Variants in THSD7A observed in about 807,000 individuals in gnomAD.
The protein encoded by THSD7A is thrombospondin type 1 domain containing 7A, also known as thrombospondin type-1 domain-containing protein 7A.
THSD7A carries 96 observed loss-of-function variants against 231.3 expected under a neutral mutation model. That is an observed-to-expected ratio of 0.41 (90% CI 0.35 to 0.49). The LOEUF is 0.49. Ranked by LOEUF, THSD7A falls within the 20% of genes least tolerant of loss-of-function variation. THSD7A has a pLI of 0.05. For missense variants in THSD7A, 2,290 were observed against 2,070.2 expected, an observed-to-expected ratio of 1.11 and a Z score of -2.06; for synonymous variants, 940 against 743.3, an observed-to-expected ratio of 1.26 and a Z score of -4.30.
Position 11,636,525 on chromosome 7 carries a change from G to T in THSD7A, c.627C>A (p.Thr209=). 1 of 1,613,926 alleles carries T rather than the reference G, an allele frequency of 6.2e-7. No homozygotes were observed. The stretch of plus-strand genomic sequence containing the variant: ...TCCGGTGCTGGAGCCCGCTGCCGCA[G>T]GTCTTGGAGCATTCGGACCAGGCAG... The part of the protein sequence containing the change: ...EFSAWSECSK[T]CGSGLQHRTR... Residue 209 remains threonine (T), a synonymous_variant, in exon 2 of 28, where the codon ACC becomes ACA. Transcript: ENST00000423059. The surrounding 1 kb of genome is among the most constrained non-coding windows in gnomAD (Gnocchi z 10.0).
In THSD7A at chr7:11,636,863, T is replaced by C. The variant is rs1391592238; in HGVS notation, c.289A>G (p.Thr97Ala). ...GGTCTCTCGGCCTGCTTACAGTTAG[T>C]ATGCAGTGTAGTCCATCCCTCCACA... ...AHVEGWTTLH[T>A]NCKQAERPNN... The change falls in exon 2 of 28, where the codon ACT becomes GCT. Residue 97 changes from threonine to alanine, a missense_variant. Thr to Ala is a moderately conservative substitution (Grantham distance 58). Coordinates refer to ENST00000423059, the MANE Select transcript of THSD7A (RefSeq NM_015204.3). This position sits in a 1 kb window ranked among gnomAD's most constrained non-coding sequence, Gnocchi z 10.0. 3 of 1,613,794 alleles carry C rather than the reference T, an allele frequency of 1.9e-6. No homozygotes were observed. Among genetic ancestry groups the C allele is most frequent in the Non-Finnish European group, 2.5e-6 (3 of 1,179,892 alleles).
intron 2 of THSD7A, among the ~76,000 whole-genome samples, chr7:11,609,146 T>C (rs6963966): frequency 0.017 from 2,569 of 152,220 alleles, 76 homozygotes; most frequent in African/African-American, 0.059. Flanking sequence ...CTCAAGAACC[T>C]ACACTGTCTG....
At chr7:11,481,113 G>T (rs1335443581) in intron 7 of THSD7A, among the ~76,000 whole-genome samples, 2 of 152,060 alleles carry the variant, frequency 1.3e-5, no homozygotes, top group African/African-American at 2.4e-5. Flanking sequence ...TTAGCATTTG[G>T]ATATCATCTT....
chr7:11,501,427 A>G (rs113377512), intron 6 of THSD7A, among the ~76,000 whole-genome samples: 72 of 152,360 alleles, frequency 4.7e-4, no homozygotes, highest in Non-Finnish European at 7.8e-4. Context: ...CACACCAAAC[A>G]TACTCTTGGA....
chr7:11,401,520 T>C (rs1238964345), intron 23 of THSD7A, among the ~76,000 whole-genome samples: 1 of 152,028 alleles, frequency 6.6e-6, no homozygotes, highest in Non-Finnish European at 1.5e-5. Context: ...CGGGATCAAG[T>C]GATTCTCCTG....
At chr7:11,568,809 T>A (rs1044494442) in intron 4 of THSD7A, among the ~76,000 whole-genome samples, 1 of 151,784 alleles carries the variant, frequency 6.6e-6, no homozygotes, top group Admixed American at 6.6e-5. Context: ...ATGGCATGAT[T>A]GTATATATAG....
In THSD7A at chr7:11,831,739, T is replaced by C; in HGVS notation, c.190+18A>G. On this transcript the variant is annotated intron_variant, in intron 1 of 27. Transcript: ENST00000423059. This position sits in a 1 kb window ranked among gnomAD's most constrained non-coding sequence, Gnocchi z 5.0. ...CCCAGATGTGAAGATGGGGAAAGGGTAACTCCGTCCCACTTACCAGTCTTC... is the reference window on the plus strand; with the variant it reads ...CCCAGATGTGAAGATGGGGAAAGGGCAACTCCGTCCCACTTACCAGTCTTC... 1 of 1,427,168 alleles carries C rather than the reference T, an allele frequency of 7.0e-7. No homozygotes were observed. Among genetic ancestry groups the C allele is most frequent in the South Asian group, 1.6e-5 (1 of 60,902 alleles). The allele number at this position is 1,427,168 out of a possible 1,614,324, so 88.4% of individuals were successfully genotyped here.
chr7:11,446,333 G>A lies in THSD7A; in HGVS notation c.2801-9C>T. ...CTTCTTTTTACTTTTTCCTGTGGAA[G>A]AGAAACAATCAGGCAATTTAAGTTG... On this transcript the variant is annotated splice_polypyrimidine_tract_variant and intron_variant, in intron 12 of 27. Coordinates refer to ENST00000423059, the MANE Select transcript of THSD7A (RefSeq NM_015204.3). The surrounding 1 kb of genome is among the most constrained non-coding windows in gnomAD (Gnocchi z 4.0). 1 of 1,605,872 alleles carries A rather than the reference G, an allele frequency of 6.2e-7. No individual in the cohort carries two copies. The highest frequency in any genetic ancestry group is 8.5e-7 in the Non-Finnish European group (1 of 1,174,836).
intron 1 of THSD7A, among the ~76,000 whole-genome samples, chr7:11,752,447 C>A (rs1782534034): frequency 6.6e-6 from 1 of 151,930 alleles, no homozygotes; most frequent in Non-Finnish European, 1.5e-5. Context: ...CCTTTTTGGG[C>A]AATGCAAGAT....
At chr7:11,675,375 T>C (rs1783595763) in intron 1 of THSD7A, among the ~76,000 whole-genome samples, 1 of 152,060 alleles carries the variant, frequency 6.6e-6, no homozygotes, top group Non-Finnish European at 1.5e-5. Context: ...TGCAGGAGTT[T>C]TTCATACCCC....
chr7:11,542,157 AT>A (rs1789178683), intron 5 of THSD7A, among the ~76,000 whole-genome samples: 1 of 152,204 alleles, frequency 6.6e-6, no homozygotes, highest in Non-Finnish European at 1.5e-5. Context: ...GGTTCAGTTG[AT>A]TTTAGACCCT....
intron 1 of THSD7A, among the ~76,000 whole-genome samples, chr7:11,810,474 T>A (rs937720093): frequency 2.0e-5 from 3 of 152,136 alleles, no homozygotes; most frequent in African/African-American, 7.2e-5. Flanking sequence ...TATGAGCTCA[T>A]ACATGTCTAT....
chr7:11,826,018 C>T (rs1440798458), intron 1 of THSD7A, among the ~76,000 whole-genome samples: 2 of 152,158 alleles, frequency 1.3e-5, no homozygotes, highest in African/African-American at 4.8e-5. Flanking sequence ...TTTGCATATA[C>T]ATTGGAGAAT....
intron 1 of THSD7A, among the ~76,000 whole-genome samples, chr7:11,655,101 C>T (rs1782655516): frequency 6.6e-6 from 1 of 151,834 alleles, no homozygotes; most frequent in African/African-American, 2.4e-5. Context: ...CTCAGCTTAG[C>T]AGTCTCTCAT....
chr7:11,777,414 TAC>T (rs66487858), intron 1 of THSD7A, among the ~76,000 whole-genome samples: 6,062 of 146,974 alleles, frequency 0.041, 143 homozygotes, highest in South Asian at 0.072. Flanking sequence ...GTAAATTAAG[TAC>T]ACACACACAC....
chr7:11,621,976 AG>A (rs1781324605), intron 2 of THSD7A, among the ~76,000 whole-genome samples: 1 of 152,126 alleles, frequency 6.6e-6, no homozygotes, highest in African/African-American at 2.4e-5. Context: ...TGTGCTTAGT[AG>A]GATGTATTAA....
intron 23 of THSD7A, among the ~76,000 whole-genome samples, chr7:11,382,848 T>TTTTAA (rs1251685993): frequency 6.6e-6 from 1 of 151,402 alleles, no homozygotes; most frequent in African/African-American, 2.4e-5. Context: ...GAACCTAGGT[T>TTTTAA]TTTAATTTAA....
At chr7:11,457,922 A>AT (rs1259684666) in intron 11 of THSD7A, among the ~76,000 whole-genome samples, 1 of 152,102 alleles carries the variant, frequency 6.6e-6, no homozygotes, top group Non-Finnish European at 1.5e-5. Flanking sequence ...TTTGCAATTG[A>AT]TAAGTTTCAG....
chr7:11,448,401 A>T (rs543971146), intron 11 of THSD7A, among the ~76,000 whole-genome samples: 1 of 152,160 alleles, frequency 6.6e-6, no homozygotes, highest in Non-Finnish European at 1.5e-5. Context: ...CAGATGAAAC[A>T]TTAAACCTTG....
Sources: gnomAD v4.1 joint callset for allele counts (sites outside exome capture counted in the v4.1 genomes callset) on GRCh38, gnomAD v4.1.1 for gene constraint, Gnocchi (gnomAD v3.1) non-coding constraint, MANE v1.5 for transcripts, NCBI Gene and HGNC (gene_info 2026-07-23, HGNC 2026-07-21) for gene names.